The following ATXN7L2 variants were observed in gnomAD, a reference collection of about 807,000 sequenced individuals.
The protein encoded by ATXN7L2 is ataxin 7 like 2.
Under a neutral mutation model 59.6 loss-of-function variants are expected in ATXN7L2, and 17 were observed. The observed-to-expected ratio is 0.29, with a 90% confidence interval of 0.20 to 0.43. The LOEUF is 0.43. Ranked by LOEUF, ATXN7L2 falls within the 20% of genes least tolerant of loss-of-function variation. ATXN7L2 has a pLI of 1.00. For missense variants in ATXN7L2, 858 were observed against 1,008.9 expected, an observed-to-expected ratio of 0.85 and a Z score of 2.03; for synonymous variants, 378 against 392.5, an observed-to-expected ratio of 0.96 and a Z score of 0.44.
chr1:109,486,982 T>G lies in ATXN7L2; in HGVS notation c.299-25T>G, dbSNP rs747562288. 33 of 1,551,998 alleles carry G rather than the reference T, an allele frequency of 2.1e-5. No homozygotes were observed. In the East Asian group the frequency reaches 6.1e-4, roughly 29 times the overall value. ...AAGTGGTGATACCACTCACCTTGAT[T>G]ATTCTTTCCACCTCCTGGTGACAGA... On this transcript the variant is annotated intron_variant, in intron 3 of 10. Coordinates refer to ENST00000683729, the MANE Select transcript of ATXN7L2 (RefSeq NM_001350175.2). This position sits in a 1 kb window ranked among gnomAD's most constrained non-coding sequence, Gnocchi z 4.3.
rs1657035341 is a variant in ATXN7L2 at position 109,491,195 on chromosome 1, C to G, written c.1728C>G (p.Ser576=). 6.2e-7 allele frequency: 1 copy of G among 1,614,092 alleles called. No homozygotes were observed. The highest frequency in any genetic ancestry group is 1.3e-5 in the African/African-American group (1 of 75,084). ...TGCCTGCCAACACGCCATCCCCGTC[C>G]TTCAGCAAGCTGCCGCCTTCCAAGG... ...SPLPANTPSP[S]FSKLPPSKAS... is the part of the protein sequence containing the mutation. Residue 576 remains serine, a synonymous_variant, in exon 10 of 11, where the codon TCC becomes TCG. Transcript: ENST00000683729. The surrounding 1 kb of genome is among the most constrained non-coding windows in gnomAD (Gnocchi z 4.1).
At position 109,488,267 on chromosome 1, in the gene ATXN7L2, G is replaced by A. The variant is rs1656741095; in HGVS notation, c.797-116G>A. The A allele has an allele frequency of 5.2e-6, 5 of 956,754 alleles. No homozygotes were observed. The Admixed American group carries it at 1.0e-4, about 20-fold the overall frequency. 59.3% of individuals were successfully genotyped at this position (956,754 alleles called of 1,614,324 possible). On this transcript the variant is annotated intron_variant, in intron 5 of 10. Coordinates refer to ENST00000683729, the MANE Select transcript of ATXN7L2 (RefSeq NM_001350175.2). This position sits in a 1 kb window ranked among gnomAD's most constrained non-coding sequence, Gnocchi z 5.0. ...TGGAAGGTACAGCCCCAGGCTGAGG[G>A]CTGGAGTCTCTTCTGCCTTAGTACC...
At chr1:109,487,399 C>A (rs910656265) in intron 4 of ATXN7L2, 119 bp from the exon 5 acceptor site, 4 of 1,233,684 alleles carry the variant, frequency 3.2e-6, no homozygotes, top group Non-Finnish European at 4.3e-6. Context: ...TGTTTCACAC[C>A]CCTGCTGGAG....
rs1656763190 is a variant in ATXN7L2, at chr1:109,488,529, G to A, written c.879+64G>A. ...CAGGGCTTGCCCACTCCTTCCCTGG[G>A]CAAAGAGAGGAATGTCGATGTTACT... On this transcript the variant is annotated intron_variant, in intron 6 of 10. Coordinates refer to ENST00000683729, the MANE Select transcript of ATXN7L2 (RefSeq NM_001350175.2). This position sits in a 1 kb window ranked among gnomAD's most constrained non-coding sequence, Gnocchi z 5.0. 2.7e-6 allele frequency: 4 copies of A among 1,486,064 alleles called. No homozygotes were observed. The highest frequency in any genetic ancestry group is 3.7e-6 in the Non-Finnish European group (4 of 1,080,944). The allele number at this position is 1,486,064 out of a possible 1,614,324, so 92.1% of individuals were successfully genotyped here.
In ATXN7L2 at chr1:109,489,961, G is replaced by A. The variant is rs1247855589; in HGVS notation, c.1165G>A (p.Asp389Asn). Residue 389 changes from aspartate (D) to asparagine (N), a missense_variant, in exon 8 of 11, where the codon GAT becomes AAT. Physicochemically the swap from Asp to Asn is conservative, Grantham distance 23. This residue lies in a region of ATXN7L2 where 734 missense variants were observed against 862.3 expected (regional missense o/e 0.85). Transcript: ENST00000683729. ...GGCCTCCTCCGAGAGTGAATTGGAT[G>A]ATGAAGGCCCCTGTGGTGGTGATGG... ...SRASSESELD[D>N]EGPCGGDGDP... 8 of 1,613,634 alleles carry A rather than the reference G, an allele frequency of 5.0e-6. No homozygotes were observed. Among genetic ancestry groups the A allele is most frequent in the Admixed American group, 1.7e-5 (1 of 59,984 alleles).
chr1:109,486,420 C>T lies in ATXN7L2; in HGVS notation c.194-86C>T. 1 of 1,188,536 alleles carries T rather than the reference C, an allele frequency of 8.4e-7. No homozygotes were observed. Among genetic ancestry groups the T allele is most frequent in the Non-Finnish European group, 1.2e-6 (1 of 828,430 alleles). The allele number at this position is 1,188,536 out of a possible 1,614,324, so 73.6% of individuals were successfully genotyped here. On this transcript the variant is annotated intron_variant, in intron 2 of 10. Transcript: ENST00000683729. This position sits in a 1 kb window ranked among gnomAD's most constrained non-coding sequence, Gnocchi z 4.3. The stretch of plus-strand genomic sequence containing the variant: ...TATCAGCGGGGAGGTGAAGTGCCTT[C>T]TGAGTGTGGGGTGGGAGTGCTCTCC...
At chr1:109,487,863 T>A in intron 5 of ATXN7L2, 59 bp downstream of exon 5, 1 of 1,518,572 alleles carries the variant, frequency 6.6e-7, no homozygotes, top group Admixed American at 2.2e-5. Flanking sequence ...TTGGGCTGCT[T>A]TGTCCTTGGG....
In ATXN7L2 at chr1:109,486,436, A is replaced by T; in HGVS notation, c.194-70A>T. The stretch of plus-strand genomic sequence containing the variant: ...AAGTGCCTTCTGAGTGTGGGGTGGG[A>T]GTGCTCTCCGATCTTCCAGAGAAAC... On this transcript the variant is annotated intron_variant, in intron 2 of 10. Transcript: ENST00000683729. The surrounding 1 kb of genome is among the most constrained non-coding windows in gnomAD (Gnocchi z 4.3). 2.3e-6 allele frequency: 3 copies of T among 1,312,380 alleles called. No individual in the cohort carries two copies. The highest frequency in any genetic ancestry group is 3.2e-6 in the Non-Finnish European group (3 of 925,466). The allele number at this position is 1,312,380 out of a possible 1,614,324, so 81.3% of individuals were successfully genotyped here. A position where few individuals can be genotyped will look rare whatever the true frequency, so the allele number is the denominator to read the frequency against.
intron 1 of ATXN7L2, 34 bp downstream of exon 1, chr1:109,484,114 A>G: frequency 6.9e-7 from 1 of 1,452,040 alleles, no homozygotes; most frequent in Admixed American, 2.4e-5. Context: ...CGGGGACCCC[A>G]TCACTATCTC....
chr1:109,490,231 C>T, intron 8 of ATXN7L2, 40 bp from the exon 9 acceptor site: 5 of 1,609,176 alleles, frequency 3.1e-6, no homozygotes, highest in Non-Finnish European at 3.4e-6. Flanking sequence ...GTCTGTGCAC[C>T]CCAGACCCTG....
Position 109,487,072 on chromosome 1 carries a change from A to T in ATXN7L2, c.364A>T (p.Ser122Cys). ...RAPPPPPAPA[S>C]SQKCHVVNGQ... ...CCCACCCCCACCTCCAGCCCCTGCC[A>T]GCTCTCAGAAATGCCATGTAGTGAA... Residue 122 changes from serine (S) to cysteine (C), a missense_variant, in exon 4 of 11, where the codon AGC (serine) becomes TGC (cysteine). Transcript: ENST00000683729. 7 of 1,611,086 alleles carry T rather than the reference A, an allele frequency of 4.3e-6. No homozygotes were observed. The highest frequency in any genetic ancestry group is 5.9e-6 in the Non-Finnish European group (7 of 1,178,760).
intron 1 of ATXN7L2, chr1:109,485,794 G>A: frequency 4.3e-6 from 5 of 1,149,428 alleles, no homozygotes; most frequent in Non-Finnish European, 4.3e-6. Context: ...CTTCTTAGTG[G>A]GGCCATCTTA....
In ATXN7L2 at chr1:109,488,064, C is replaced by T. The variant is rs538582912; in HGVS notation, c.796+260C>T. 3.9e-5 allele frequency among the ~76,000 whole-genome samples: 6 copies of T among 152,318 alleles called. No homozygotes were observed. The highest frequency in any genetic ancestry group is 1.3e-4 in the Admixed American group (2 of 15,304). ...ACTCTTTTCTCACCTAGATCCAGGG[C>T]GCCAGCCAGACACATCTCACAGCTG... On this transcript the variant is annotated intron_variant, in intron 5 of 10. Transcript: ENST00000683729. This position sits in a 1 kb window ranked among gnomAD's most constrained non-coding sequence, Gnocchi z 5.0.
rs1303850661 is a variant in ATXN7L2, at chr1:109,484,152, C to G, written c.127+72C>G. On this transcript the variant is annotated intron_variant, in intron 1 of 10. Coordinates refer to ENST00000683729, the MANE Select transcript of ATXN7L2 (RefSeq NM_001350175.2). The stretch of plus-strand genomic sequence containing the variant: ...CTCCCCCCTTCCGGGCCCCCGCCAG[C>G]TGAGGGGAGCCGCCGACTGGAGCCG... The G allele has an allele frequency of 2.4e-6, 3 of 1,269,696 alleles. No homozygotes were observed. In the African/African-American group the frequency reaches 4.7e-5, roughly 20 times the overall value. 78.7% of individuals were successfully genotyped at this position (1,269,696 alleles called of 1,614,324 possible). A position where few individuals can be genotyped will look rare whatever the true frequency, so the allele number is the denominator to read the frequency against.
chr1:109,487,619 C>G lies in ATXN7L2; in HGVS notation c.611C>G (p.Pro204Arg). ...VAPPSAFLSQPGGLTKDSPGK... is the reference protein window; with the variant it reads ...VAPPSAFLSQRGGLTKDSPGK... ...CCACCCTCTGCTTTTCTCAGCCAGC[C>G]AGGGGGCCTCACCAAGGACTCCCCT... The change falls in exon 5 of 11, where the codon CCA becomes CGA. Residue 204 changes from proline (P) to arginine (R), a missense_variant. Pro to Arg is a moderately radical substitution (Grantham distance 103). Coordinates refer to ENST00000683729, the MANE Select transcript of ATXN7L2 (RefSeq NM_001350175.2). 2.5e-6 allele frequency: 4 copies of G among 1,596,546 alleles called. No individual in the cohort carries two copies. The highest frequency in any genetic ancestry group is 3.4e-6 in the Non-Finnish European group (4 of 1,171,672).
Position 109,486,174 on chromosome 1 carries a change from T to C in ATXN7L2, c.193+52T>C. 2 of 1,508,726 alleles carry C rather than the reference T, an allele frequency of 1.3e-6. No homozygotes were observed. The highest frequency in any genetic ancestry group is 1.4e-5 in the South Asian group (1 of 73,202). The allele number at this position is 1,508,726 out of a possible 1,614,324, so 93.5% of individuals were successfully genotyped here. On this transcript the variant is annotated intron_variant, in intron 2 of 10. Coordinates refer to ENST00000683729, the MANE Select transcript of ATXN7L2 (RefSeq NM_001350175.2). The surrounding 1 kb of genome is among the most constrained non-coding windows in gnomAD (Gnocchi z 4.3). ...GGACCCAGGGCAGACAGGACCACGC[T>C]CCACTTTTCCACCACACTACAGAAG...
chr1:109,487,269 A>C (rs772006220), intron 4 of ATXN7L2, 52 bp downstream of exon 4: 5 of 1,432,012 alleles, frequency 3.5e-6, no homozygotes, highest in Non-Finnish European at 4.6e-6. Context: ...TGACCCATGG[A>C]TGGGCTGACA....
intron 7 of ATXN7L2, chr1:109,489,709 G>A (rs1433450780): frequency 1.7e-6 from 1 of 585,016 alleles, no homozygotes. Context: ...GCTGGGAGGT[G>A]AAGGGGCTGG....
intron 1 of ATXN7L2, chr1:109,485,850 C>T (rs1454901518): frequency 2.5e-6 from 3 of 1,221,586 alleles, no homozygotes; most frequent in African/African-American, 1.6e-5. Flanking sequence ...GAGAATGGAC[C>T]CACTGAAAGG....
Sources: gnomAD v4.1 joint callset for allele counts (sites outside exome capture counted in the v4.1 genomes callset) on GRCh38, gnomAD v4.1.1 for gene constraint, gnomAD v4.1.1 regional missense constraint, Gnocchi (gnomAD v3.1) non-coding constraint, MANE v1.5 for transcripts, NCBI Gene and HGNC (gene_info 2026-07-23, HGNC 2026-07-21) for gene names.